TSNARE1: variants seen among roughly 807,000 people sequenced by gnomAD.
TSNARE1 encodes the protein t-SNARE domain containing 1, also known as t-SNARE domain-containing protein 1.
TSNARE1 carries 49 observed loss-of-function variants against 62.0 expected under a neutral mutation model. The observed-to-expected ratio is 0.79, with a 90% confidence interval of 0.63 to 1.00. TSNARE1 has a LOEUF of 1.00. Ranked by LOEUF, TSNARE1 falls within the 50% of genes least tolerant of loss-of-function variation. The pLI is 0.00. For missense variants in TSNARE1, 755 were observed against 700.1 expected, an observed-to-expected ratio of 1.08 and a Z score of -0.88; for synonymous variants, 328 against 294.4, an observed-to-expected ratio of 1.11 and a Z score of -1.17.
chr8:142,315,602 A>T (rs1586751880), intron 7 of TSNARE1, among the ~76,000 whole-genome samples: 1 of 152,058 alleles, frequency 6.6e-6, no homozygotes, highest in South Asian at 2.1e-4. Flanking sequence ...TCAGAGCTGG[A>T]GCTGGAGAAG....
At chr8:142,347,089 C>G (rs1332222431) in intron 2 of TSNARE1, among the ~76,000 whole-genome samples, 1 of 152,250 alleles carries the variant, frequency 6.6e-6, no homozygotes, top group African/African-American at 2.4e-5. Context: ...GACTGGGGCA[C>G]GCTCACCCTC....
intron 10 of TSNARE1, chr8:142,300,222 C>A (rs1310989945): frequency 5.1e-6 from 2 of 390,342 alleles, no homozygotes; most frequent in Non-Finnish European, 9.3e-6. Context: ...GCATAGACCC[C>A]AGCTCCTGGC....
chr8:142,233,950 C>T (rs777449427), intron 12 of TSNARE1, among the ~76,000 whole-genome samples: 16 of 152,228 alleles, frequency 1.1e-4, no homozygotes, highest in Admixed American at 2.0e-4. Context: ...CAGCTCAAAT[C>T]TCACCTCCTT....
At chr8:142,376,862 C>T (rs1836383534) in intron 1 of TSNARE1, among the ~76,000 whole-genome samples, 2 of 152,236 alleles carry the variant, frequency 1.3e-5, no homozygotes, top group Admixed American at 1.3e-4. Context: ...CCTTGCCCTT[C>T]CCCTAGGCCA....
chr8:142,255,116 T>C (rs1818358572), intron 12 of TSNARE1, among the ~76,000 whole-genome samples: 1 of 152,004 alleles, frequency 6.6e-6, no homozygotes, highest in African/African-American at 2.4e-5. Flanking sequence ...CCCCAGCGGC[T>C]GAAGGGGAGT....
At chr8:142,401,809 C>T (rs1838312710) in intron 1 of TSNARE1, among the ~76,000 whole-genome samples, 1 of 152,166 alleles carries the variant, frequency 6.6e-6, no homozygotes, top group Admixed American at 6.5e-5. Flanking sequence ...CTGCTGTGTC[C>T]AAACATTTGT....
rs112970850 is a variant in TSNARE1, at chr8:142,212,132, C to T, written c.*193G>A. The T allele has an allele frequency of 8.9e-3, 1,350 of 152,494 alleles. 24 individuals carry two copies. Among genetic ancestry groups the T allele is most frequent in the East Asian group, 0.059 (307 of 5,168 alleles). 9.4% of individuals were successfully genotyped at this position (152,494 alleles called of 1,614,324 possible). ...TGCTCAGCTGGGGCCGACACAGGGG[C>T]GAGTGGGGTCAGTGCAGGGGAGGAC... On this transcript the variant is annotated 3_prime_UTR_variant, in exon 14 of 14. Coordinates refer to ENST00000524325, the MANE Select transcript of TSNARE1 (RefSeq NM_145003.5).
intron 1 of TSNARE1, among the ~76,000 whole-genome samples, chr8:142,399,615 C>T (rs1212955982): frequency 6.6e-6 from 1 of 152,184 alleles, no homozygotes; most frequent in East Asian, 1.9e-4. Context: ...GCCATGAGCT[C>T]TCCAACTCTC....
rs1266958072 is a variant in TSNARE1 at position 142,314,945 on chromosome 8, G to C, written c.1074+58C>G. The C allele has an allele frequency of 5.2e-6, 8 of 1,542,364 alleles. No homozygotes were observed. In the East Asian group the frequency reaches 1.8e-4, roughly 35 times the overall value. ...CAAGACAGCCATGACAGTGCTCCGG[G>C]AACCGAGGCCGACCCCACCTGGCCT... On this transcript the variant is annotated intron_variant, in intron 8 of 13. Transcript: ENST00000524325.
intron 3 of TSNARE1, 66 bp from the exon 4 acceptor site, chr8:142,344,538 A>T: frequency 7.1e-7 from 1 of 1,416,920 alleles, no homozygotes; most frequent in Admixed American, 3.0e-5. Context: ...CCCCGGCGGC[A>T]GCTCCCTACG....
intron 1 of TSNARE1, 128 bp from the exon 2 acceptor site, chr8:142,354,891 T>C (rs900975060): frequency 1.0e-5 from 6 of 589,834 alleles, no homozygotes; most frequent in African/African-American, 9.4e-5. Context: ...ACCCATTCCC[T>C]AGGCTACTCC....
intron 13 of TSNARE1, among the ~76,000 whole-genome samples, chr8:142,219,125 G>A (rs945449855): frequency 2.6e-5 from 4 of 152,122 alleles, no homozygotes; most frequent in Non-Finnish European, 1.5e-5. Context: ...TTCCCTGAGT[G>A]TCACCTCCTG....
At chr8:142,230,440 G>A (rs1268851517) in intron 12 of TSNARE1, among the ~76,000 whole-genome samples, 4 of 152,184 alleles carry the variant, frequency 2.6e-5, no homozygotes. Flanking sequence ...GGAGTTTAGA[G>A]CAGGAGAGTG....
chr8:142,305,174 G>A (rs949812028), intron 9 of TSNARE1, among the ~76,000 whole-genome samples: 5 of 152,210 alleles, frequency 3.3e-5, no homozygotes, highest in African/African-American at 9.6e-5. Flanking sequence ...AGGCACCACA[G>A]GACGTTCTGT....
chr8:142,279,141 C>T (rs1241369998), intron 11 of TSNARE1, among the ~76,000 whole-genome samples: 8 of 152,252 alleles, frequency 5.3e-5, no homozygotes, highest in Non-Finnish European at 4.4e-5. Flanking sequence ...CTGGGGCCAG[C>T]TGGGCCCTGC....
chr8:142,315,317 C>T (rs774904013), intron 7 of TSNARE1, among the ~76,000 whole-genome samples: 15 of 152,210 alleles, frequency 9.9e-5, no homozygotes, highest in South Asian at 2.1e-4. Context: ...CACCACCTGC[C>T]GGAGCCAGGA....
chr8:142,354,001 ACATGACCCAGGCCTGCCCACGTGAAGGG>A (rs1834466958), intron 2 of TSNARE1, among the ~76,000 whole-genome samples: 2 of 152,090 alleles, frequency 1.3e-5, no homozygotes, highest in African/African-American at 4.8e-5. Context: ...GACATCACCT[ACATGACCCAGGCCTGCCCACGTGAAGGG>A]CCGGATGTGC....
At chr8:142,289,821 C>T (rs1382870231) in intron 10 of TSNARE1, among the ~76,000 whole-genome samples, 1 of 152,248 alleles carries the variant, frequency 6.6e-6, no homozygotes, top group Non-Finnish European at 1.5e-5. Flanking sequence ...AAACAGAGGA[C>T]TAAAGAGCTG....
chr8:142,313,822 G>A (rs1356126903), intron 9 of TSNARE1, among the ~76,000 whole-genome samples: 1 of 152,226 alleles, frequency 6.6e-6, no homozygotes, highest in African/African-American at 2.4e-5. Flanking sequence ...CGCCCAGGCT[G>A]GAATGCAGTG....
Sources: allele counts gnomAD v4.1 joint callset (sites outside exome capture counted in the v4.1 genomes callset), GRCh38; gene constraint gnomAD v4.1.1; transcripts MANE v1.5; gene names NCBI Gene and HGNC (gene_info 2026-07-23, HGNC 2026-07-21).